Variants in POLR3D observed in about 807,000 individuals in gnomAD.
POLR3D encodes RNA polymerase III subunit D.
In POLR3D, 42 loss-of-function variants were observed where a neutral mutation model predicts 44.5. That is an observed-to-expected ratio of 0.94 (90% CI 0.74 to 1.22). The LOEUF is 1.22. Ranked by LOEUF, POLR3D falls within the 50% of genes most tolerant of loss-of-function variation. The probability of loss-of-function intolerance (pLI) is 0.00; values close to 1 mark genes in which losing one functional copy is unlikely to be tolerated. For missense variants in POLR3D, 507 were observed against 505.2 expected, an observed-to-expected ratio of 1.00 and a Z score of -0.03; for synonymous variants, 217 against 198.1, an observed-to-expected ratio of 1.10 and a Z score of -0.80.
Position 22,250,698 on chromosome 8 carries a change from A to T in POLR3D, c.*180A>T. The T allele has an allele frequency of 1.5e-6, 1 of 684,394 alleles. No homozygotes were observed. The allele number at this position is 684,394 out of a possible 1,614,324, so 42.4% of individuals were successfully genotyped here. On this transcript the variant is annotated 3_prime_UTR_variant, in exon 9 of 9. Transcript: ENST00000306433. ...CACAGCAGCTGTGAATGGCACAGTG[A>T]CCTTCCTGCAGCGTGGAGATGGCAC... is the stretch of plus-strand genomic sequence containing the variant.
rs75170316 is a variant in POLR3D at position 22,251,758 on chromosome 8, C to G, written c.*1240C>G. ...CTGGAGGAACAGCTTCTCCTCTTGT[C>G]TTGACAGTAGGGCTGGGGTTTTCCC... is the stretch of plus-strand genomic sequence containing the variant. On this transcript the variant is annotated 3_prime_UTR_variant, in exon 9 of 9. Transcript: ENST00000306433. 9,198 of 152,382 alleles carry G rather than the reference C, an allele frequency of 0.06. 346 individuals carry two copies. Among genetic ancestry groups the G allele is most frequent in the Admixed American group, 0.091 (1,384 of 15,290 alleles). 9.4% of individuals were successfully genotyped at this position (152,382 alleles called of 1,614,324 possible).
chr8:22,245,364 A>AC, intron 1 of POLR3D, 81 bp from the exon 2 acceptor site: 1 of 1,063,942 alleles, frequency 9.4e-7, no homozygotes, highest in Non-Finnish European at 1.2e-6. Context: ...CGACTGGGGG[A>AC]CCGGAAAGCA....
intron 5 of POLR3D, 88 bp from the exon 6 acceptor site, chr8:22,248,393 C>G (rs998011093): frequency 1.3e-6 from 2 of 1,571,018 alleles, no homozygotes; most frequent in Non-Finnish European, 1.7e-6. Context: ...TGGGGAGCAG[C>G]GGAATCTTTG....
chr8:22,247,318 G>A, intron 3 of POLR3D, 54 bp downstream of exon 3: 1 of 1,361,848 alleles, frequency 7.3e-7, no homozygotes, highest in Non-Finnish European at 1.0e-6. Flanking sequence ...CTCTGAATTT[G>A]GGGCTTTGGG....
chr8:22,246,635 C>T lies in POLR3D; in HGVS notation c.166-586C>T, dbSNP rs563832318. Among the ~76,000 whole-genome samples the T allele has an allele frequency of 5.9e-5, 9 of 151,670 alleles. No homozygotes were observed. The East Asian group carries it at 1.2e-3, about 20-fold the overall frequency. On this transcript the variant is annotated intron_variant, in intron 2 of 8. Coordinates refer to ENST00000306433, the MANE Select transcript of POLR3D (RefSeq NM_001722.3). ...TACTTTTTGTAGTTTTTAGTAGAGA[C>T]GGGTTTCACCATCTTGGCCAGGCTG...
At chr8:22,247,178 G>T (rs34392777) in intron 2 of POLR3D, 43 bp from the exon 3 acceptor site, 524,486 of 1,514,828 alleles carry the variant, frequency 0.35, 96,696 homozygotes, top group East Asian at 0.48. Context: ...GTACTTTGGG[G>T]TCAGAACCTA....
At chr8:22,246,580 G>A (rs1830046001) in intron 2 of POLR3D, among the ~76,000 whole-genome samples, 1 of 152,008 alleles carries the variant, frequency 6.6e-6, no homozygotes, top group Admixed American at 6.6e-5. Context: ...CGAGTAGCTG[G>A]GATTACAGGG....
rs762214673 is a variant in POLR3D, at chr8:22,248,607, C to G, written c.613C>G (p.Pro205Ala). 1.9e-6 allele frequency: 3 copies of G among 1,613,952 alleles called. No homozygotes were observed. The South Asian group carries it at 3.3e-5, about 18-fold the overall frequency. ...AGATGTTAAACCTTGGCTGGCTGGC[C>G]CCAAGGAAGAGGACATGGAGGTGGA... ...EPDVKPWLAG[P>A]KEEDMEVDIP... Residue 205 changes from proline (P) to alanine (A), a missense_variant, in exon 6 of 9, where the codon CCC (proline) becomes GCC (alanine). Physicochemically the swap from Pro to Ala is conservative, Grantham distance 27 (BLOSUM62 -1). Transcript: ENST00000306433.
rs1830076152 is a variant in POLR3D, at chr8:22,249,281, TG to T, written c.895del (p.Val299CysfsTer23). On this transcript the variant is annotated frameshift_variant, in exon 7 of 9. Transcript: ENST00000306433. LOFTEE classifies it high-confidence loss of function. Reference protein sequence around the residue: ...KTEVQGEDGQVVLIKQEKDRE... With the variant: ...KTEVQGEDGQXVLIKQEKDRE... ...GAGGTGCAGGGCGAGGACGGACAGG[TG>T]GTGCTCATCAAGCAGGAGAAAGACC... 2 of 1,613,030 alleles carry T rather than the reference TG, an allele frequency of 1.2e-6. No homozygotes were observed. Among genetic ancestry groups the T allele is most frequent in the Non-Finnish European group, 1.7e-6 (2 of 1,179,794 alleles).
chr8:22,249,328 C>T lies in POLR3D; in HGVS notation c.921+19C>T. ...AGACCGAGTACGCTCAGACAGAGGC[C>T]TGCGGGAATCAAGTCGGGGACTGGG... On this transcript the variant is annotated intron_variant, in intron 7 of 8. Transcript: ENST00000306433. The T allele has an allele frequency of 1.9e-6, 3 of 1,607,862 alleles. No homozygotes were observed. Among genetic ancestry groups the T allele is most frequent in the South Asian group, 2.2e-5 (2 of 90,972 alleles).
In POLR3D at chr8:22,249,063, T is replaced by A; in HGVS notation, c.675T>A (p.Asp225Glu). The A allele has an allele frequency of 6.2e-7, 1 of 1,613,194 alleles. No individual in the cohort carries two copies. The highest frequency in any genetic ancestry group is 8.5e-7 in the Non-Finnish European group (1 of 1,179,788). Residue 225 changes from aspartate to glutamate, a missense_variant, in exon 7 of 9, where the codon GAT becomes GAA. Transcript: ENST00000306433. ...PAVKVKEEPR[D>E]EEEEAKMKAP... ...GGGCAGTGAAAGAGGAGCCACGAGA[T>A]GAGGAGGAAGAGGCCAAGATGAAGG...
chr8:22,245,170 T>C lies in POLR3D; in HGVS notation c.-19T>C, dbSNP rs79812935. 1.7e-6 allele frequency: 1 copy of C among 583,988 alleles called. No homozygotes were observed. The highest frequency in any genetic ancestry group is 3.2e-6 in the Non-Finnish European group (1 of 310,836). The allele number at this position is 583,988 out of a possible 1,614,324, so 36.2% of individuals were successfully genotyped here. Reference sequence around the variant, plus strand: ...GGCGCGGAGACCGAAGGCTGGCGGCTGGTCGCGTTGCAGGTGAGGTTGTGA... The same window carrying C: ...GGCGCGGAGACCGAAGGCTGGCGGCCGGTCGCGTTGCAGGTGAGGTTGTGA... On this transcript the variant is annotated 5_prime_UTR_variant, in exon 1 of 9. Coordinates refer to ENST00000306433, the MANE Select transcript of POLR3D (RefSeq NM_001722.3).
intron 3 of POLR3D, among the ~76,000 whole-genome samples, 169 bp from the exon 4 acceptor site, chr8:22,247,688 A>C (rs1246541936): frequency 6.6e-6 from 1 of 152,226 alleles, no homozygotes; most frequent in East Asian, 1.9e-4. Flanking sequence ...ATCCTGCCTC[A>C]TCAAGGAAGT....
At chr8:22,247,773 G>T in intron 3 of POLR3D, 84 bp from the exon 4 acceptor site, 3 of 1,275,372 alleles carry the variant, frequency 2.4e-6, no homozygotes, top group Non-Finnish European at 3.3e-6. Context: ...CCACTGTTTT[G>T]GAGTGAAGTG....
Position 22,245,551 on chromosome 8 carries a change from C to G in POLR3D, c.102C>G (p.Pro34=), listed in dbSNP as rs749790836. The change falls in exon 2 of 9, where the codon CCC becomes CCG. Residue 34 remains proline, a synonymous_variant. Transcript: ENST00000306433. ...RGLIGRRPAP[P]LTPGRLPSIR... ...TCATCGGGCGGCGGCCGGCGCCTCCCCTCACCCCCGGCCGCCTTCCCTCCA... is the reference window on the plus strand; with the variant it reads ...TCATCGGGCGGCGGCCGGCGCCTCCGCTCACCCCCGGCCGCCTTCCCTCCA... The G allele has an allele frequency of 1.6e-6, 2 of 1,263,328 alleles. No individual in the cohort carries two copies. The highest frequency in any genetic ancestry group is 3.9e-5 in the Admixed American group (1 of 25,892). 78.3% of individuals were successfully genotyped at this position (1,263,328 alleles called of 1,614,324 possible).
intron 6 of POLR3D, 91 bp downstream of exon 6, chr8:22,248,740 G>C (rs1830069091): frequency 7.8e-7 from 1 of 1,280,764 alleles, no homozygotes; most frequent in African/African-American, 1.5e-5. Flanking sequence ...GCCCCTGACT[G>C]CTGCTCGTGA....
At chr8:22,245,273 G>T in intron 1 of POLR3D, 90 bp downstream of exon 1, 1 of 554,366 alleles carries the variant, frequency 1.8e-6, no homozygotes, top group East Asian at 3.0e-5. Flanking sequence ...CGTGTCGCGA[G>T]CCAAAGGCTC....
chr8:22,252,567 A>T lies in POLR3D; in HGVS notation c.*2049A>T, dbSNP rs1387797465. 1 of 152,210 alleles carries T rather than the reference A, an allele frequency of 6.6e-6. No homozygotes were observed. The highest frequency in any genetic ancestry group is 2.4e-5 in the African/African-American group (1 of 41,466). 9.4% of individuals were successfully genotyped at this position (152,210 alleles called of 1,614,324 possible). On this transcript the variant is annotated 3_prime_UTR_variant, in exon 9 of 9. Coordinates refer to ENST00000306433, the MANE Select transcript of POLR3D (RefSeq NM_001722.3). ...TCAAAGTCCTCACAACCTGTCTCAG[A>T]TCCCTGATGCACAAATTAGGTCTTA... is the stretch of plus-strand genomic sequence containing the variant.
At position 22,247,930 on chromosome 8, in the gene POLR3D, C is replaced by T. The variant is rs767611603; in HGVS notation, c.283C>T (p.Arg95Ter). 19 of 1,613,920 alleles carry T rather than the reference C, an allele frequency of 1.2e-5. No homozygotes were observed. The highest frequency in any genetic ancestry group is 1.6e-4 in the Middle Eastern group (1 of 6,082). The change falls in exon 4 of 9, where the codon CGA becomes TGA. Residue 95 changes from arginine (R) to a stop codon, truncating the protein, a stop_gained. Coordinates refer to ENST00000306433, the MANE Select transcript of POLR3D (RefSeq NM_001722.3). LOFTEE classifies it high-confidence loss of function. ...AGACCGACAACGAGAGGGGCATGGA[C>T]GAGGGCGAGGCCGTCCAGAAGTGAT... Reference protein sequence around the residue: ...DRDRQREGHGRGRGRPEVIQS... With the variant: ...DRDRQREGHG
Sources: allele counts gnomAD v4.1 joint callset (sites outside exome capture counted in the v4.1 genomes callset), GRCh38; gene constraint gnomAD v4.1.1; transcripts MANE v1.5; gene names NCBI Gene and HGNC (gene_info 2026-07-23, HGNC 2026-07-21).